Variants in AGK observed in about 807,000 individuals in gnomAD.
The protein encoded by AGK is acylglycerol kinase, mitochondrial.
In AGK, 52 loss-of-function variants were observed where a neutral mutation model predicts 66.4. The ratio of observed to expected loss-of-function variants is 0.78; its 90% CI spans 0.63 to 0.99. The LOEUF (loss-of-function observed/expected upper bound fraction) is 0.99, where lower values mean the gene tolerates loss of function less well. AGK is among the 50% of genes least tolerant of loss of function. The pLI is 0.00. For missense variants in AGK, 451 were observed against 506.6 expected (o/e 0.89, Z 1.05); for synonymous variants, 182 against 181.1 (o/e 1.00, Z -0.04).
At chr7:141,584,348 T>G (rs531055449) in intron 2 of AGK, among the ~76,000 whole-genome samples, 1 of 152,286 alleles carries the variant, frequency 6.6e-6, no homozygotes, top group South Asian at 2.1e-4. Context: ...TTTTCACTTT[T>G]TTTGTGATTC....
At chr7:141,587,759 G>C (rs1196622542) in intron 2 of AGK, among the ~76,000 whole-genome samples, 1 of 152,206 alleles carries the variant, frequency 6.6e-6, no homozygotes, top group East Asian at 1.9e-4. Flanking sequence ...ACCTAAAAGT[G>C]AAATTGCATC....
chr7:141,645,245 T>C (rs1337420484), intron 13 of AGK, among the ~76,000 whole-genome samples: 6 of 152,130 alleles, frequency 3.9e-5, no homozygotes, highest in Admixed American at 3.9e-4. Flanking sequence ...TTTATAGTTT[T>C]CTCTGGAATA....
At chr7:141,568,867 C>T (rs922689584) in intron 2 of AGK, among the ~76,000 whole-genome samples, 6 of 152,152 alleles carry the variant, frequency 3.9e-5, no homozygotes, top group African/African-American at 9.7e-5. Context: ...TGAGCCACCA[C>T]GCCTGGCACC....
At position 141,654,211 on chromosome 7, in the gene AGK, G is replaced by C. The variant is rs570793902; in HGVS notation, c.*1287G>C. ...CCAATATTATCGTAATTAATTATTG[G>C]TATATAATGAAAACGGTATTAATTC... is the stretch of plus-strand genomic sequence containing the variant. On this transcript the variant is annotated 3_prime_UTR_variant, in exon 16 of 16. Coordinates refer to ENST00000649286, the MANE Select transcript of AGK (RefSeq NM_018238.4). 1.3e-5 allele frequency: 2 copies of C among 152,028 alleles called. No homozygotes were observed. The highest frequency in any genetic ancestry group is 2.1e-4 in the South Asian group (1 of 4,814). 9.4% of individuals were successfully genotyped at this position (152,028 alleles called of 1,614,324 possible).
At chr7:141,552,089 C>A (rs1187089151) in intron 1 of AGK, among the ~76,000 whole-genome samples, 1 of 152,220 alleles carries the variant, frequency 6.6e-6, no homozygotes, top group African/African-American at 2.4e-5. Flanking sequence ...GGACCACCAA[C>A]TGCTGCCAAT....
At chr7:141,571,432 T>C (rs1795604520) in intron 2 of AGK, among the ~76,000 whole-genome samples, 1 of 152,222 alleles carries the variant, frequency 6.6e-6, no homozygotes, top group South Asian at 2.1e-4. Flanking sequence ...CTAGATGATG[T>C]GTTTGCTCAT....
chr7:141,645,536 T>G (rs1797392053), intron 13 of AGK, among the ~76,000 whole-genome samples: 1 of 152,210 alleles, frequency 6.6e-6, no homozygotes. Context: ...TTCATTTTAC[T>G]TAGAGCACTG....
intron 2 of AGK, among the ~76,000 whole-genome samples, chr7:141,589,914 A>G (rs749941361): frequency 6.6e-6 from 1 of 152,124 alleles, no homozygotes; most frequent in Non-Finnish European, 1.5e-5. Flanking sequence ...AAATTGGAAC[A>G]TATTCTGGCT....
chr7:141,584,411 C>T (rs561252369), intron 2 of AGK, among the ~76,000 whole-genome samples: 12 of 152,280 alleles, frequency 7.9e-5, no homozygotes, highest in African/African-American at 2.6e-4. Context: ...ACAGGGGATA[C>T]GATGGCTTAG....
chr7:141,591,082 G>GTTTTTTTTTT (rs60762855), intron 2 of AGK, among the ~76,000 whole-genome samples: 1 of 61,042 alleles, frequency 1.6e-5, no homozygotes, highest in Non-Finnish European at 2.9e-5. Context: ...TTCTTAAGTT[G>GTTTTTTTTTT]TTTTTTTTTT....
At chr7:141,593,234 T>G in intron 3 of AGK, 49 bp downstream of exon 3, 1 of 1,550,526 alleles carries the variant, frequency 6.4e-7, no homozygotes. Flanking sequence ...ATCTTCATTG[T>G]GCAGAAAACT....
chr7:141,614,915 G>A (rs1334906586), intron 7 of AGK, among the ~76,000 whole-genome samples: 1 of 152,152 alleles, frequency 6.6e-6, no homozygotes, highest in Non-Finnish European at 1.5e-5. Flanking sequence ...AGTCCCTTTG[G>A]TAATAGTACA....
chr7:141,559,438 T>C (rs185713938), intron 2 of AGK, among the ~76,000 whole-genome samples: 8 of 152,338 alleles, frequency 5.3e-5, no homozygotes, highest in Admixed American at 5.2e-4. Flanking sequence ...GATGAGGATT[T>C]ATTTCTGGGC....
Position 141,631,073 on chromosome 7 carries a change from G to T in AGK, c.589-2828G>T, listed in dbSNP as rs554271433. On this transcript the variant is annotated intron_variant, in intron 9 of 15. Transcript: ENST00000649286. ...GTGAGGTTTGTGAAATTCCAGTGAGGGTAGGAATATTTTTGGCTCATGTAA... is the reference window on the plus strand; with the variant it reads ...GTGAGGTTTGTGAAATTCCAGTGAGTGTAGGAATATTTTTGGCTCATGTAA... 1.7e-4 allele frequency among the ~76,000 whole-genome samples: 26 copies of T among 152,002 alleles called. 1 individual carries two copies. The South Asian group carries it at 5.4e-3, about 32-fold the overall frequency.
chr7:141,621,183 A>C (rs1796815706), intron 8 of AGK, among the ~76,000 whole-genome samples: 1 of 152,168 alleles, frequency 6.6e-6, no homozygotes, highest in African/African-American at 2.4e-5. Flanking sequence ...AGACTTTCCA[A>C]ATGGCTCTCA....
intron 8 of AGK, among the ~76,000 whole-genome samples, chr7:141,619,222 G>A (rs186316354): frequency 7.4e-4 from 112 of 152,120 alleles, no homozygotes; most frequent in African/African-American, 2.6e-3. Context: ...GAAAAATAAA[G>A]GAAGCAGAAT....
intron 11 of AGK, among the ~76,000 whole-genome samples, chr7:141,638,923 G>C (rs1007444429): frequency 6.6e-6 from 1 of 152,160 alleles, no homozygotes; most frequent in Admixed American, 6.5e-5. Flanking sequence ...TGTCATAAGT[G>C]TGTGAGCGGT....
At position 141,655,111 on chromosome 7, in the gene AGK, G is replaced by C. The variant is rs898535822; in HGVS notation, c.*2187G>C. 2 of 152,196 alleles carry C rather than the reference G, an allele frequency of 1.3e-5. No homozygotes were observed. The highest frequency in any genetic ancestry group is 4.8e-5 in the African/African-American group (2 of 41,446). The allele number at this position is 152,196 out of a possible 1,614,324, so 9.4% of individuals were successfully genotyped here. On this transcript the variant is annotated 3_prime_UTR_variant, in exon 16 of 16. Transcript: ENST00000649286. Reference sequence around the variant, plus strand: ...AGTGCAGAATCTGGCTTTCTTTTCTGATAGGCTACCAGTGTGTGTTTATGT... The same window carrying C: ...AGTGCAGAATCTGGCTTTCTTTTCTCATAGGCTACCAGTGTGTGTTTATGT...
At chr7:141,638,044 A>T (rs1050998420) in intron 11 of AGK, among the ~76,000 whole-genome samples, 6 of 152,218 alleles carry the variant, frequency 3.9e-5, no homozygotes, top group Non-Finnish European at 8.8e-5. Context: ...ACATATTTAA[A>T]TGGAATATAA....
Sources: allele counts gnomAD v4.1 joint callset (sites outside exome capture counted in the v4.1 genomes callset), GRCh38; gene constraint gnomAD v4.1.1; transcripts MANE v1.5; gene names NCBI Gene and HGNC (gene_info 2026-07-23, HGNC 2026-07-21).